Variants in CSMD1 observed in about 807,000 individuals in gnomAD.
CSMD1 encodes the protein CUB and sushi domain-containing protein 1.
CSMD1 carries 213 observed loss-of-function variants against 417.5 expected under a neutral mutation model. The observed-to-expected ratio is 0.51, with a 90% CI of 0.46 to 0.57. The LOEUF (loss-of-function observed/expected upper bound fraction) is 0.57. Among genes scored for constraint, CSMD1 ranks in the 20% least tolerant of loss-of-function variants. CSMD1 has a pLI of 0.00. For synonymous variants in CSMD1, 2,862 were observed against 1,736.8 expected, an observed-to-expected ratio of 1.65 and a Z score of -16.11; for missense variants, 6,923 against 4,529.7, an observed-to-expected ratio of 1.53 and a Z score of -15.17.
chr8:3,510,550 A>G (rs980584109), intron 10 of CSMD1, among the ~76,000 whole-genome samples: 1 of 151,870 alleles, frequency 6.6e-6, no homozygotes, highest in Non-Finnish European at 1.5e-5. Flanking sequence ...ATGAAGCAAC[A>G]TTTGTCACTT....
At chr8:4,213,511 T>G (rs1157250012) in intron 3 of CSMD1, among the ~76,000 whole-genome samples, 1 of 152,206 alleles carries the variant, frequency 6.6e-6, no homozygotes, top group Non-Finnish European at 1.5e-5. Context: ...TAAAATTTGG[T>G]GGTGCGTTAA....
chr8:4,038,742 A>C (rs2130619703), intron 3 of CSMD1, among the ~76,000 whole-genome samples: 1 of 152,278 alleles, frequency 6.6e-6, no homozygotes, highest in Non-Finnish European at 1.5e-5. Flanking sequence ...TTCTGCGCCC[A>C]ATGCAGACAT....
At chr8:4,355,609 A>C (rs1176025195) in intron 3 of CSMD1, among the ~76,000 whole-genome samples, 3 of 152,178 alleles carry the variant, frequency 2.0e-5, no homozygotes. Context: ...CAGAAGAATA[A>C]CTGAGTTAAA....
intron 12 of CSMD1, among the ~76,000 whole-genome samples, chr8:3,464,639 A>G (rs1033005011): frequency 1.3e-5 from 2 of 150,322 alleles, no homozygotes; most frequent in African/African-American, 2.4e-5. Context: ...GGTAGAATCT[A>G]TATATATAGC....
rs191485733 is a variant in CSMD1, at chr8:3,790,627, T to C, written c.819-36585A>G. 6.2e-4 allele frequency among the ~76,000 whole-genome samples: 94 copies of C among 152,314 alleles called. 2 individuals carry two copies. The highest frequency in any genetic ancestry group is 2.1e-3 in the African/African-American group (87 of 41,580). On this transcript the variant is annotated intron_variant, in intron 5 of 69. Coordinates refer to ENST00000635120, the MANE Select transcript of CSMD1 (RefSeq NM_033225.6). ...AATTACATTTCACAATAACAACTTA[T>C]CAAAACACAAAGAGATAATAGCTGG... is the stretch of plus-strand genomic sequence containing the variant.
At chr8:3,600,750 A>C (rs1801323762) in intron 8 of CSMD1, among the ~76,000 whole-genome samples, 1 of 152,138 alleles carries the variant, frequency 6.6e-6, no homozygotes, top group East Asian at 1.9e-4. Flanking sequence ...CCACTCTATC[A>C]CAGGATTCAG....
intron 26 of CSMD1, among the ~76,000 whole-genome samples, chr8:3,250,845 G>C (rs1307421857): frequency 2.0e-5 from 3 of 152,138 alleles, no homozygotes; most frequent in African/African-American, 7.2e-5. Flanking sequence ...GTGTCTGTTG[G>C]CTGCATAAAT....
chr8:3,450,950 A>C (rs1435371647), intron 12 of CSMD1, among the ~76,000 whole-genome samples: 5 of 152,026 alleles, frequency 3.3e-5, no homozygotes, highest in Non-Finnish European at 5.9e-5. Context: ...AAGTGTTCCT[A>C]TTTCACCACA....
chr8:4,824,893 A>G (rs564263430), intron 1 of CSMD1, among the ~76,000 whole-genome samples: 1 of 152,222 alleles, frequency 6.6e-6, no homozygotes, highest in South Asian at 2.1e-4. Flanking sequence ...CCACAGGGTA[A>G]TGGGCTGTTA....
intron 3 of CSMD1, among the ~76,000 whole-genome samples, chr8:4,073,538 G>T (rs560564442): frequency 2.0e-5 from 3 of 152,122 alleles, no homozygotes; most frequent in African/African-American, 7.2e-5. Context: ...AGTGCCAGAT[G>T]GCATAAAAAT....
chr8:4,379,316 G>C (rs1283654242), intron 3 of CSMD1, among the ~76,000 whole-genome samples: 1 of 152,174 alleles, frequency 6.6e-6, no homozygotes, highest in East Asian at 1.9e-4. Context: ...GACAAGGAAA[G>C]ACTAATTAGC....
intron 1 of CSMD1, among the ~76,000 whole-genome samples, chr8:4,828,086 G>C (rs572429404): frequency 1.3e-5 from 2 of 151,994 alleles, no homozygotes; most frequent in African/African-American, 4.8e-5. Context: ...ATATTCTTCA[G>C]TCTTTTTTGA....
intron 29 of CSMD1, among the ~76,000 whole-genome samples, chr8:3,218,679 C>G (rs938954589): frequency 6.6e-6 from 1 of 151,940 alleles, no homozygotes; most frequent in South Asian, 2.1e-4. Flanking sequence ...CGAGACCAGC[C>G]TGACCAATAT....
At chr8:4,360,855 T>C (rs950837595) in intron 3 of CSMD1, among the ~76,000 whole-genome samples, 7 of 152,162 alleles carry the variant, frequency 4.6e-5, no homozygotes, top group South Asian at 4.1e-4. Flanking sequence ...TGGTCTCCTT[T>C]ATCTATCTTT....
chr8:4,539,378 T>G (rs1797267452), intron 2 of CSMD1, among the ~76,000 whole-genome samples: 2 of 152,318 alleles, frequency 1.3e-5, no homozygotes, highest in South Asian at 4.1e-4. Flanking sequence ...GCAGGAATGT[T>G]TTTGGAGTGT....
intron 49 of CSMD1, among the ~76,000 whole-genome samples, chr8:3,084,636 A>C (rs766259613): frequency 1.4e-4 from 21 of 152,034 alleles, no homozygotes; most frequent in African/African-American, 3.1e-4. Flanking sequence ...TCACACATTT[A>C]TATTTTATAT....
chr8:4,512,325 A>G (rs1194242166), intron 2 of CSMD1, among the ~76,000 whole-genome samples: 2 of 152,230 alleles, frequency 1.3e-5, no homozygotes, highest in African/African-American at 2.4e-5. Flanking sequence ...AAAACCCTGC[A>G]GCTAACATTT....
chr8:4,254,670 T>G (rs569885850), intron 3 of CSMD1, among the ~76,000 whole-genome samples: 1 of 152,184 alleles, frequency 6.6e-6, no homozygotes, highest in African/African-American at 2.4e-5. Context: ...AGGTGTACCA[T>G]TCTTACGTTT....
chr8:4,580,806 C>A (rs1585281210), intron 2 of CSMD1, among the ~76,000 whole-genome samples: 2 of 152,220 alleles, frequency 1.3e-5, no homozygotes, highest in Non-Finnish European at 1.5e-5. Context: ...TATATCCTAT[C>A]TTAAAAAGTT....
Sources: allele counts gnomAD v4.1 joint callset (sites outside exome capture counted in the v4.1 genomes callset), GRCh38; gene constraint gnomAD v4.1.1; transcripts MANE v1.5; gene names NCBI Gene and HGNC (gene_info 2026-07-23, HGNC 2026-07-21).